Variants in IL1RAPL1 observed in about 807,000 individuals in gnomAD.
IL1RAPL1 encodes interleukin-1 receptor accessory protein-like 1.
IL1RAPL1 carries 3 observed loss-of-function variants against 48.4 expected under a neutral mutation model. The observed-to-expected ratio is 0.06, with a 90% CI of 0.03 to 0.16. The LOEUF (loss-of-function observed/expected upper bound fraction) is 0.16. Ranked by LOEUF, IL1RAPL1 falls within the 10% of genes least tolerant of loss-of-function variation. The pLI is 1.00. For synonymous variants in IL1RAPL1, 185 were observed against 187.7 expected (o/e 0.99, Z 0.12); for missense variants, 349 against 530.6 (o/e 0.66, Z 3.36).
intron 5 of IL1RAPL1, among the ~76,000 whole-genome samples, chrX:29,484,726 T>G (rs4829201): frequency 0.43 from 47,502 of 110,603 alleles, 7,716 homozygotes; most frequent in East Asian, 0.71. Context: ...GGAACATATA[T>G]CATGGGCATA....
chrX:29,394,065 T>C (rs1933892639), intron 3 of IL1RAPL1, among the ~76,000 whole-genome samples: 1 of 109,467 alleles, frequency 9.1e-6, no homozygotes, highest in Non-Finnish European at 1.9e-5. Context: ...ACCTTTCATA[T>C]ACTCAACTGA....
At chrX:29,651,247 A>G (rs777124305) in intron 5 of IL1RAPL1, among the ~76,000 whole-genome samples, 2 of 111,388 alleles carry the variant, frequency 1.8e-5, no homozygotes, top group South Asian at 7.5e-4. Flanking sequence ...GAGCCATAAT[A>G]TGATCCAGTA....
intron 3 of IL1RAPL1, among the ~76,000 whole-genome samples, chrX:29,336,398 A>G (rs1398096555): frequency 1.2e-5 from 1 of 85,046 alleles, no homozygotes; most frequent in Non-Finnish European, 2.4e-5. Context: ...CTGCTTTTTG[A>G]CCTTATCTTT....
intron 1 of IL1RAPL1, among the ~76,000 whole-genome samples, chrX:28,777,299 A>G (rs934423523): frequency 9.0e-6 from 1 of 111,220 alleles, no homozygotes; most frequent in Non-Finnish European, 1.9e-5. Context: ...TGTGATTACA[A>G]TGAGCCCACC....
At chrX:29,147,036 A>G (rs1798298573) in intron 2 of IL1RAPL1, among the ~76,000 whole-genome samples, 1 of 112,662 alleles carries the variant, frequency 8.9e-6, no homozygotes, top group Admixed American at 9.5e-5. Context: ...AAGATGGGCC[A>G]TAATCCCTGA....
chrX:29,433,707 T>A (rs1357413958), intron 5 of IL1RAPL1, among the ~76,000 whole-genome samples: 1 of 111,713 alleles, frequency 9.0e-6, no homozygotes, highest in African/African-American at 3.2e-5. Flanking sequence ...GTCTTCACTA[T>A]TGTTTTAATT....
At chrX:28,904,703 A>G (rs1356278991) in intron 2 of IL1RAPL1, among the ~76,000 whole-genome samples, 8 of 112,244 alleles carry the variant, frequency 7.1e-5, no homozygotes, top group Admixed American at 1.9e-4. Flanking sequence ...TTAACATTTT[A>G]TCACCAAACT....
chrX:29,578,716 G>A (rs1294186005), intron 5 of IL1RAPL1, among the ~76,000 whole-genome samples: 1 of 111,735 alleles, frequency 8.9e-6, no homozygotes, highest in African/African-American at 3.3e-5. Flanking sequence ...GCCATTTCTT[G>A]TTCTTTTATA....
intron 2 of IL1RAPL1, among the ~76,000 whole-genome samples, chrX:29,212,311 C>T (rs780030816): frequency 9.9e-5 from 11 of 110,553 alleles, no homozygotes; most frequent in Non-Finnish European, 1.9e-4. Context: ...TTAGGAGTCC[C>T]CCCAATTTTT....
chrX:29,716,423 A>G (rs1222658459), intron 6 of IL1RAPL1, among the ~76,000 whole-genome samples: 2 of 111,754 alleles, frequency 1.8e-5, no homozygotes, highest in Non-Finnish European at 3.8e-5. Context: ...TCCTCCCAAC[A>G]GGAATTTTAA....
At chrX:29,506,432 T>TCTCCCCCTCCTCCTCCTCCTCCTC (rs1556025722) in intron 5 of IL1RAPL1, among the ~76,000 whole-genome samples, 5 of 21,533 alleles carry the variant, frequency 2.3e-4, no homozygotes, top group African/African-American at 8.2e-4. Flanking sequence ...TTCTTCTCCT[T>TCTCCCCCTCCTCCTCCTCCTCCTC]CTCCTTCTCC....
intron 3 of IL1RAPL1, among the ~76,000 whole-genome samples, chrX:29,386,286 C>G (rs748207908): frequency 6.3e-5 from 7 of 111,232 alleles, no homozygotes; most frequent in Non-Finnish European, 1.1e-4. Flanking sequence ...CCTTGGCCTC[C>G]CAAAGTGCTG....
chrX:28,645,427 G>A (rs1254827135), intron 1 of IL1RAPL1, among the ~76,000 whole-genome samples: 2 of 106,992 alleles, frequency 1.9e-5, no homozygotes, highest in Admixed American at 2.0e-4. Flanking sequence ...AGAGGTGATT[G>A]CAAAGATAAA....
At position 29,615,450 on chromosome X, in the gene IL1RAPL1, A is replaced by G. The variant is rs187553621; in HGVS notation, c.704-52980A>G. ...GCGAGGAGAGGGGACGGGAGAAAAA[A>G]GTTCTCTGCTAGCTTCCTAAGCAGT... is the stretch of plus-strand genomic sequence containing the variant. On this transcript the variant is annotated intron_variant, in intron 5 of 10. Transcript: ENST00000378993. 3.4e-3 allele frequency among the ~76,000 whole-genome samples: 374 copies of G among 110,997 alleles called. 1 individual carries two copies. The highest frequency in any genetic ancestry group is 0.012 in the African/African-American group (354 of 30,444).
At chrX:29,364,562 CAAAA>C (rs766680904) in intron 3 of IL1RAPL1, among the ~76,000 whole-genome samples, 8 of 43,575 alleles carry the variant, frequency 1.8e-4, no homozygotes, top group Non-Finnish European at 2.5e-4. Context: ...GACTCTATCT[CAAAA>C]AAAAAAAAAA....
intron 2 of IL1RAPL1, among the ~76,000 whole-genome samples, chrX:28,903,266 C>A (rs890042529): frequency 1.8e-5 from 2 of 110,564 alleles, no homozygotes; most frequent in African/African-American, 6.6e-5. Flanking sequence ...GTTACAGGCA[C>A]GTGCCACCAT....
rs182062732 is a variant in IL1RAPL1, at chrX:29,740,839, G to A, written c.778+72335G>A. Among the ~76,000 whole-genome samples the A allele has an allele frequency of 5.3e-5, 6 of 112,204 alleles. No individual in the cohort carries two copies. In the East Asian group the frequency reaches 1.1e-3, roughly 21 times the overall value. On this transcript the variant is annotated intron_variant, in intron 6 of 10. Transcript: ENST00000378993. Reference sequence around the variant, plus strand: ...TTTCAGCTTCAAAACAATCACTCCAGTATATACATTACTTGCCAACATGAT... The same window carrying A: ...TTTCAGCTTCAAAACAATCACTCCAATATATACATTACTTGCCAACATGAT...
intron 2 of IL1RAPL1, among the ~76,000 whole-genome samples, chrX:28,809,521 A>G (rs1270982912): frequency 9.0e-6 from 1 of 110,648 alleles, no homozygotes; most frequent in Non-Finnish European, 1.9e-5. Context: ...GATATGCAGC[A>G]GTAGCAAACA....
At chrX:28,920,156 C>A (rs969465258) in intron 2 of IL1RAPL1, among the ~76,000 whole-genome samples, 2 of 111,673 alleles carry the variant, frequency 1.8e-5, no homozygotes, top group African/African-American at 6.5e-5. Flanking sequence ...TTTCACAAAA[C>A]CATTATGTGA....
Sources: gnomAD v4.1 joint callset for allele counts (sites outside exome capture counted in the v4.1 genomes callset) on GRCh38, gnomAD v4.1.1 for gene constraint, MANE v1.5 for transcripts, NCBI Gene and HGNC (gene_info 2026-07-23, HGNC 2026-07-21) for gene names.